IMPACT: variants seen among roughly 807,000 people sequenced by gnomAD.
IMPACT encodes impact RWD domain protein, also known as protein IMPACT.
A neutral mutation model predicts 47.5 loss-of-function variants in IMPACT; 35 were observed. The observed-to-expected ratio is 0.74, with a 90% confidence interval of 0.56 to 0.98. IMPACT has a LOEUF of 0.98. Among genes scored for constraint, IMPACT ranks in the 50% least tolerant of loss-of-function variants. The pLI, the probability that IMPACT is intolerant of heterozygous loss-of-function variation, is 0.00. For missense variants in IMPACT, 373 were observed against 394.8 expected (o/e 0.94, Z 0.47); for synonymous variants, 118 against 125.6 (o/e 0.94, Z 0.40).
In IMPACT at chr18:24,445,476, C is replaced by T; in HGVS notation, c.668+10C>T. On this transcript the variant is annotated intron_variant, in intron 8 of 10. Transcript: ENST00000284202. The stretch of plus-strand genomic sequence containing the variant: ...ACATCTATGCCTACAGGTGAGTAAT[C>T]ATCACAAGCTTTAGTATACTCAGTT... 4 of 1,533,446 alleles carry T rather than the reference C, an allele frequency of 2.6e-6. No individual in the cohort carries two copies. The highest frequency in any genetic ancestry group is 3.6e-6 in the Non-Finnish European group (4 of 1,122,420). 95.0% of individuals were successfully genotyped at this position (1,533,446 alleles called of 1,614,324 possible). A position where few individuals can be genotyped will look rare whatever the true frequency, so the allele number is the denominator to read the frequency against.
intron 10 of IMPACT, among the ~76,000 whole-genome samples, 167 bp downstream of exon 10, chr18:24,450,120 C>T (rs1350945529): frequency 6.6e-6 from 1 of 152,190 alleles, no homozygotes; most frequent in Non-Finnish European, 1.5e-5. Context: ...TGGCCAGTCA[C>T]GTGACTTTGG....
At chr18:24,427,482 AAT>A (rs1373043246) in intron 1 of IMPACT, 1 of 154,558 alleles carries the variant, frequency 6.5e-6, no homozygotes, top group African/African-American at 2.4e-5. Context: ...CACAAAATTT[AAT>A]ACGAAGGAAC....
At chr18:24,428,773 C>T (rs1304335893) in intron 2 of IMPACT, 96 bp from the exon 3 acceptor site, 5 of 854,840 alleles carry the variant, frequency 5.8e-6, no homozygotes, top group Non-Finnish European at 7.4e-6. Context: ...CATCTCTGTC[C>T]TCCTTGCCTT....
chr18:24,436,545 GTTTTGT>G (rs776425106), intron 4 of IMPACT, among the ~76,000 whole-genome samples: 104 of 149,614 alleles, frequency 7.0e-4, no homozygotes, highest in Non-Finnish European at 9.0e-4. Context: ...GTTTTTTTTT[GTTTTGT>G]TTTTGTTTTT....
chr18:24,437,079 T>C (rs1397835474), intron 4 of IMPACT, among the ~76,000 whole-genome samples: 1 of 152,204 alleles, frequency 6.6e-6, no homozygotes, highest in Non-Finnish European at 1.5e-5. Flanking sequence ...CTTCTGTCTC[T>C]TGTTTCGAAA....
intron 4 of IMPACT, among the ~76,000 whole-genome samples, chr18:24,436,374 T>A (rs960228869): frequency 2.0e-5 from 3 of 151,548 alleles, no homozygotes; most frequent in Non-Finnish European, 4.4e-5. Context: ...GCCTCCTAAG[T>A]AGCTGAGATT....
intron 9 of IMPACT, 113 bp downstream of exon 9, chr18:24,448,296 T>C (rs1030333127): frequency 1.7e-6 from 1 of 578,078 alleles, no homozygotes; most frequent in Non-Finnish European, 3.1e-6. Context: ...ACATAAGATA[T>C]ATTTGATTTA....
In IMPACT at chr18:24,452,157, T is replaced by C. The variant is rs981397572; in HGVS notation, c.*1310T>C. On this transcript the variant is annotated 3_prime_UTR_variant, in exon 11 of 11. Transcript: ENST00000284202. Reference sequence around the variant, plus strand: ...CAGAGAATTGGACAAACAGGTCTTTTTCTCTTTTCTCTGATGTTTTACCTT... The same window carrying C: ...CAGAGAATTGGACAAACAGGTCTTTCTCTCTTTTCTCTGATGTTTTACCTT... 1.3e-5 allele frequency: 2 copies of C among 152,198 alleles called. No homozygotes were observed. The highest frequency in any genetic ancestry group is 2.9e-5 in the Non-Finnish European group (2 of 68,040). 9.4% of individuals were successfully genotyped at this position (152,198 alleles called of 1,614,324 possible). A position where few individuals can be genotyped will look rare whatever the true frequency, so the allele number is the denominator to read the frequency against.
At chr18:24,448,048 T>C (rs755800410) in intron 8 of IMPACT, 45 bp from the exon 9 acceptor site, 6 of 1,104,892 alleles carry the variant, frequency 5.4e-6, no homozygotes, top group Admixed American at 3.7e-5. Context: ...AGTTTTATTA[T>C]AATATTTTAG....
intron 7 of IMPACT, among the ~76,000 whole-genome samples, chr18:24,444,047 G>C (rs986631031): frequency 5.3e-5 from 8 of 152,140 alleles, no homozygotes; most frequent in Admixed American, 1.3e-4. Context: ...TTTGTACCAG[G>C]CTGTTTCACT....
Position 24,426,680 on chromosome 18 carries a change from C to G in IMPACT, c.-77C>G. On this transcript the variant is annotated 5_prime_UTR_variant, in exon 1 of 11. Transcript: ENST00000284202. ...GTCGGGCCGCGCCGCAGCCAGCTCTCGGCTCGCAGCCGCAGCGCCCCGCCC... is the reference window on the plus strand; with the variant it reads ...GTCGGGCCGCGCCGCAGCCAGCTCTGGGCTCGCAGCCGCAGCGCCCCGCCC... 2 of 1,116,632 alleles carry G rather than the reference C, an allele frequency of 1.8e-6. No homozygotes were observed. Among genetic ancestry groups the G allele is most frequent in the Non-Finnish European group, 2.3e-6 (2 of 882,658 alleles). The allele number at this position is 1,116,632 out of a possible 1,614,324, so 69.2% of individuals were successfully genotyped here.
Position 24,426,790 on chromosome 18 carries a change from C to A in IMPACT, c.34C>A (p.Gln12Lys). The part of the protein sequence containing the change: ...AEGDAGSDQR[Q>K]NEEIEAMAAI... ...GGGGGACGCAGGGAGCGACCAGAGG[C>A]AGGTGAGGCCCCGGCGGGGTGCTGT... The change falls in exon 1 of 11, where the codon CAG (glutamine) becomes AAG (lysine). Residue 12 changes from glutamine to lysine, a missense_variant and splice_region_variant. By Grantham distance (53) the Gln-to-Lys change is moderately conservative (BLOSUM62 1). Coordinates refer to ENST00000284202, the MANE Select transcript of IMPACT (RefSeq NM_018439.4). The A allele has an allele frequency of 8.1e-7, 1 of 1,240,098 alleles. No homozygotes were observed. Among genetic ancestry groups the A allele is most frequent in the East Asian group, 3.2e-5 (1 of 31,704 alleles). The allele number at this position is 1,240,098 out of a possible 1,614,324, so 76.8% of individuals were successfully genotyped here. A position where few individuals can be genotyped will look rare whatever the true frequency, so the allele number is the denominator to read the frequency against.
intron 3 of IMPACT, among the ~76,000 whole-genome samples, chr18:24,429,344 C>A (rs568404869): frequency 1.3e-5 from 2 of 152,148 alleles, no homozygotes; most frequent in Non-Finnish European, 2.9e-5. Context: ...CCCCTTTCCC[C>A]GTTGATGTTG....
At chr18:24,448,279 C>T (rs1909296478) in intron 9 of IMPACT, 96 bp downstream of exon 9, 3 of 701,480 alleles carry the variant, frequency 4.3e-6, no homozygotes, top group African/African-American at 1.8e-5. Context: ...GTCAGTTGAA[C>T]TATGTAACAT....
chr18:24,443,708 C>T (rs1909176069), intron 7 of IMPACT, among the ~76,000 whole-genome samples: 1 of 152,176 alleles, frequency 6.6e-6, no homozygotes, highest in African/African-American at 2.4e-5. Context: ...TCCTCCCTAC[C>T]TGACTTACTT....
chr18:24,449,934 A>G lies in IMPACT; in HGVS notation c.875A>G (p.Lys292Arg). 2 of 1,614,088 alleles carry G rather than the reference A, an allele frequency of 1.2e-6. No individual in the cohort carries two copies. Among genetic ancestry groups the G allele is most frequent in the South Asian group, 1.1e-5 (1 of 91,082 alleles). The change falls in exon 10 of 11, where the codon AAG (lysine) becomes AGG (arginine). Residue 292 changes from lysine to arginine, a missense_variant. Physicochemically the swap from Lys to Arg is conservative, Grantham distance 26. Coordinates refer to ENST00000284202, the MANE Select transcript of IMPACT (RefSeq NM_018439.4). ...TGTGCCAGAAACATACTAGTGGAAA[A>G]GAACTACACAAATTCACCTGTAAGT... is the stretch of plus-strand genomic sequence containing the variant. ...NNCARNILVEKNYTNSPEESS... is the reference protein window; with the variant it reads ...NNCARNILVERNYTNSPEESS...
chr18:24,448,175 C>T lies in IMPACT; in HGVS notation c.751C>T (p.Leu251Phe). 6.2e-7 allele frequency: 1 copy of T among 1,610,598 alleles called. No homozygotes were observed. The highest frequency in any genetic ancestry group is 8.5e-7 in the Non-Finnish European group (1 of 1,176,920). The change falls in exon 9 of 11, where the codon CTC becomes TTC. Residue 251 changes from leucine to phenylalanine, a missense_variant. By Grantham distance (22) the Leu-to-Phe change is conservative (BLOSUM62 0). Transcript: ENST00000284202. ...AGCAGCTGGTGGGCGTCTTCTTCAT[C>T]TCATGGAGGTAGGTGTAAGTTAAAC... ...ETAAGGRLLH[L>F]MEILNVKNVM... is the part of the protein sequence containing the mutation.
intron 4 of IMPACT, among the ~76,000 whole-genome samples, chr18:24,436,738 A>T (rs1356226957): frequency 6.6e-6 from 1 of 151,726 alleles, no homozygotes; most frequent in Admixed American, 6.6e-5. Context: ...TTTTGTAGAG[A>T]TGGGGTTTTG....
In IMPACT at chr18:24,440,752, A is replaced by AT. The variant is rs1909087576; in HGVS notation, c.490+140dup. The AT allele has an allele frequency of 7.7e-6, 7 of 909,652 alleles. No homozygotes were observed. The East Asian group carries it at 1.2e-4, about 15-fold the overall frequency. 56.3% of individuals were successfully genotyped at this position (909,652 alleles called of 1,614,324 possible). On this transcript the variant is annotated intron_variant, in intron 6 of 10. Coordinates refer to ENST00000284202, the MANE Select transcript of IMPACT (RefSeq NM_018439.4). Reference sequence around the variant, plus strand: ...AGTTATTAATTTGCAGATAAGATTAATTTTTTCCTGCCTGTTGGCAATTTT... The same window carrying AT: ...AGTTATTAATTTGCAGATAAGATTAATTTTTTTCCTGCCTGTTGGCAATTTT...
Sources: gnomAD v4.1 joint callset for allele counts (sites outside exome capture counted in the v4.1 genomes callset) on GRCh38, gnomAD v4.1.1 for gene constraint, MANE v1.5 for transcripts, NCBI Gene and HGNC (gene_info 2026-07-23, HGNC 2026-07-21) for gene names.